Variants in NTRK1 observed in about 807,000 individuals in gnomAD.
NTRK1 encodes the protein high affinity nerve growth factor receptor.
Under a neutral mutation model 86.8 loss-of-function variants are expected in NTRK1, and 62 were observed. The ratio of observed to expected loss-of-function variants is 0.71; its 90% CI spans 0.58 to 0.88. The LOEUF (loss-of-function observed/expected upper bound fraction) is 0.88, where lower values mean the gene tolerates loss of function less well. NTRK1 is among the 40% of genes least tolerant of loss of function. The pLI is 0.00. For missense variants in NTRK1, 967 were observed against 1,078.4 expected (o/e 0.90, Z 1.45); for synonymous variants, 469 against 456.6 (o/e 1.03, Z -0.35).
chr1:156,851,583 G>A, intron 2 of NTRK1: 1 of 1,611,266 alleles, frequency 6.2e-7, no homozygotes, highest in Non-Finnish European at 8.5e-7. Flanking sequence ...TCATTGTAAG[G>A]GTTGTGTCTG....
chr1:156,843,465 T>C, intron 2 of NTRK1: 1 of 1,614,232 alleles, frequency 6.2e-7, no homozygotes, highest in South Asian at 1.1e-5. Flanking sequence ...CACAGAAGCA[T>C]ACAGGGTTCT....
At chr1:156,817,063 C>CTCTCTCTCTCTCTG (rs1489769883) in intron 1 of NTRK1, among the ~76,000 whole-genome samples, 1 of 151,508 alleles carries the variant, frequency 6.6e-6, no homozygotes, top group East Asian at 1.9e-4. Context: ...CTCTCTCTCT[C>CTCTCTCTCTCTCTG]TCTCTCTCTC....
chr1:156,841,184 G>A, intron 1 of NTRK1: 2 of 1,155,750 alleles, frequency 1.7e-6, no homozygotes, highest in Non-Finnish European at 2.5e-6. Context: ...AGGGTCAGTT[G>A]GTGGGAGTGG....
intron 5 of NTRK1, 34 bp downstream of exon 5, chr1:156,868,283 G>A (rs765114634): frequency 6.2e-7 from 1 of 1,601,642 alleles, no homozygotes; most frequent in South Asian, 1.1e-5. Flanking sequence ...GTGTAAGGGG[G>A]CTGGGGAAGA....
chr1:156,871,657 T>C lies in NTRK1; in HGVS notation c.752T>C (p.Leu251Pro), dbSNP rs1260050597. Residue 251 changes from leucine to proline, a missense_variant, in exon 7 of 17, where the codon CTG becomes CCG. Physicochemically the swap from Leu to Pro is moderately conservative, Grantham distance 98. Coordinates refer to ENST00000524377, the MANE Select transcript of NTRK1 (RefSeq NM_002529.4). Reference protein sequence around the residue: ...SGGLPSLGLTLANVTSDLNRK... With the variant: ...SGGLPSLGLTPANVTSDLNRK... ...GGTCTGCCATCCCTGGGGCTGACCC[T>C]GGCCAATGTCACCAGTGACCTCAAC... 1 of 1,614,086 alleles carries C rather than the reference T, an allele frequency of 6.2e-7. No individual in the cohort carries two copies. Among genetic ancestry groups the C allele is most frequent in the East Asian group, 2.2e-5 (1 of 44,886 alleles).
intron 2 of NTRK1, among the ~76,000 whole-genome samples, chr1:156,853,084 A>G (rs775925298): frequency 2.0e-5 from 3 of 150,884 alleles, no homozygotes; most frequent in East Asian, 3.9e-4. Flanking sequence ...TCCTTTCTCT[A>G]CTGCTTTTTT....
At chr1:156,862,644 C>T (rs150721947) in intron 1 of NTRK1, among the ~76,000 whole-genome samples, 4 of 152,190 alleles carry the variant, frequency 2.6e-5, no homozygotes, top group African/African-American at 7.2e-5. Flanking sequence ...GCAGAGCTAA[C>T]GAGGAGATAA....
chr1:156,852,168 C>T, intron 2 of NTRK1: 2 of 1,604,396 alleles, frequency 1.2e-6, no homozygotes, highest in Non-Finnish European at 1.7e-6. Flanking sequence ...GCTGTGCAAG[C>T]CATCCCATGG....
At chr1:156,845,271 C>T in intron 2 of NTRK1, 1 of 1,612,208 alleles carries the variant, frequency 6.2e-7, no homozygotes, top group Non-Finnish European at 8.5e-7. Flanking sequence ...AGGGGCCCAG[C>T]TGCCCGGCGG....
At chr1:156,852,414 G>A (rs1332425424) in intron 2 of NTRK1, among the ~76,000 whole-genome samples, 3 of 152,052 alleles carry the variant, frequency 2.0e-5, no homozygotes, top group Non-Finnish European at 2.9e-5. Context: ...GTGCCTAGTC[G>A]GGGGTGTCAG....
chr1:156,839,175 AGTT>A (rs1208518101), intron 1 of NTRK1, among the ~76,000 whole-genome samples: 1 of 152,228 alleles, frequency 6.6e-6, no homozygotes, highest in Non-Finnish European at 1.5e-5. Flanking sequence ...ATAACAGGGT[AGTT>A]GTTGTCATAG....
chr1:156,875,029 G>GCTGTCTGT, intron 11 of NTRK1, 21 bp downstream of exon 11: 2 of 1,539,546 alleles, frequency 1.3e-6, no homozygotes, highest in Non-Finnish European at 1.8e-6. Context: ...GCTGCAGAGG[G>GCTGTCTGT]CTGTCTGTCT....
intron 6 of NTRK1, among the ~76,000 whole-genome samples, chr1:156,870,292 A>G (rs1647478447): frequency 6.6e-6 from 1 of 152,186 alleles, no homozygotes; most frequent in Non-Finnish European, 1.5e-5. Flanking sequence ...CCATACCTGT[A>G]ATCCCAGCAC....
At chr1:156,842,020 G>A (rs558577855) in intron 1 of NTRK1, 1 of 1,589,016 alleles carries the variant, frequency 6.3e-7, no homozygotes, top group Non-Finnish European at 8.6e-7. Flanking sequence ...CTCACAGGCT[G>A]TCAGGACCAG....
intron 6 of NTRK1, among the ~76,000 whole-genome samples, chr1:156,869,744 C>G (rs1558101758): frequency 6.6e-6 from 1 of 152,202 alleles, no homozygotes; most frequent in Non-Finnish European, 1.5e-5. Context: ...AGGCCTTACC[C>G]TTTGTCCTTA....
At chr1:156,842,193 G>A in exon 2 of NTRK1, 3 of 1,614,078 alleles carry the variant, frequency 1.9e-6, no homozygotes, top group Non-Finnish European at 2.5e-6. Flanking sequence ...TTGGCAGCAA[G>A]GTAGGCCATG....
At chr1:156,872,601 A>G (rs1294673155) in intron 7 of NTRK1, among the ~76,000 whole-genome samples, 1 of 151,482 alleles carries the variant, frequency 6.6e-6, no homozygotes, top group Admixed American at 6.6e-5. Context: ...TTATATATAT[A>G]TATACATATA....
At chr1:156,845,023 A>T in intron 2 of NTRK1, 1 of 1,557,800 alleles carries the variant, frequency 6.4e-7, no homozygotes, top group Non-Finnish European at 8.7e-7. Context: ...ACCTTTGCAC[A>T]GGGTCCTTGG....
intron 1 of NTRK1, chr1:156,840,998 G>A: frequency 6.2e-7 from 1 of 1,612,324 alleles, no homozygotes; most frequent in Non-Finnish European, 8.5e-7. Flanking sequence ...TAGAAGGAGA[G>A]GAGGCGGAAG....
Sources: allele counts gnomAD v4.1 joint callset (sites outside exome capture counted in the v4.1 genomes callset), GRCh38; gene constraint gnomAD v4.1.1; transcripts MANE v1.5; gene names NCBI Gene and HGNC (gene_info 2026-07-23, HGNC 2026-07-21).